Variants in GPATCH2 observed in about 807,000 individuals in gnomAD.
GPATCH2 encodes the protein G-patch domain containing 2, also known as G patch domain-containing protein 2.
GPATCH2 carries 51 observed loss-of-function variants against 58.0 expected under a neutral mutation model. That is an observed-to-expected ratio of 0.88 (90% confidence interval 0.70 to 1.11). The LOEUF (loss-of-function observed/expected upper bound fraction) is 1.11. GPATCH2 is among the 50% of genes most tolerant of loss of function. The probability of loss-of-function intolerance (pLI) is 0.00; values close to 1 mark genes in which losing one functional copy is unlikely to be tolerated. For missense variants in GPATCH2, 625 were observed against 652.2 expected (o/e 0.96, Z 0.45); for synonymous variants, 222 against 218.5 (o/e 1.02, Z -0.14).
intron 5 of GPATCH2, among the ~76,000 whole-genome samples, chr1:217,527,129 AT>A (rs1405312498): frequency 7.2e-5 from 11 of 151,950 alleles, no homozygotes; most frequent in Non-Finnish European, 1.5e-4. Flanking sequence ...TAATGATATA[AT>A]TATTTCATTA....
At chr1:217,464,481 G>A (rs1660350592) in intron 8 of GPATCH2, among the ~76,000 whole-genome samples, 1 of 152,202 alleles carries the variant, frequency 6.6e-6, no homozygotes, top group African/African-American at 2.4e-5. Flanking sequence ...AAAGATACCA[G>A]TTTATAAATG....
chr1:217,623,036 C>T (rs1458155207), intron 1 of GPATCH2, among the ~76,000 whole-genome samples: 3 of 152,126 alleles, frequency 2.0e-5, no homozygotes, highest in Admixed American at 6.5e-5. Context: ...TTTCCTGTGA[C>T]ATTATTTAAT....
chr1:217,619,455 ATATAAT>A (rs1357866732), intron 2 of GPATCH2, among the ~76,000 whole-genome samples: 1 of 152,198 alleles, frequency 6.6e-6, no homozygotes, highest in African/African-American at 2.4e-5. Context: ...ATAATTAAAC[ATATAAT>A]TATATATCCA....
chr1:217,512,690 A>G (rs1057424810), intron 6 of GPATCH2, among the ~76,000 whole-genome samples: 11 of 152,204 alleles, frequency 7.2e-5, no homozygotes, highest in Non-Finnish European at 1.5e-5. Flanking sequence ...AACAGAAACC[A>G]CTATATTTTT....
chr1:217,549,933 T>C (rs560362521), intron 5 of GPATCH2, among the ~76,000 whole-genome samples: 3 of 152,314 alleles, frequency 2.0e-5, no homozygotes, highest in Non-Finnish European at 2.9e-5. Flanking sequence ...CTTTAAATTA[T>C]ATACAAACAA....
rs1189857333 is a variant in GPATCH2, at chr1:217,428,071, G to T, written c.*3074C>A. 2 of 152,162 alleles carry T rather than the reference G, an allele frequency of 1.3e-5. No individual in the cohort carries two copies. Among genetic ancestry groups the T allele is most frequent in the Admixed American group, 6.5e-5 (1 of 15,286 alleles). 9.4% of individuals were successfully genotyped at this position (152,162 alleles called of 1,614,324 possible). On this transcript the variant is annotated 3_prime_UTR_variant, in exon 10 of 10. Coordinates refer to ENST00000366935, the MANE Select transcript of GPATCH2 (RefSeq NM_018040.5). ...AAAATAAAAGTAACCAAATTAAATA[G>T]TGTATTCGGGGAGCAGAAAAGAAGG...
chr1:217,630,042 G>T (rs921114383), intron 1 of GPATCH2, among the ~76,000 whole-genome samples: 1 of 152,116 alleles, frequency 6.6e-6, no homozygotes, highest in Non-Finnish European at 1.5e-5. Context: ...TTATGTTTGA[G>T]GATTTTCAAT....
In GPATCH2 at chr1:217,547,130, G is replaced by A. The variant is rs898005254; in HGVS notation, c.1099-32241C>T. 2.6e-5 allele frequency among the ~76,000 whole-genome samples: 4 copies of A among 152,094 alleles called. 1 individual carries two copies. Among genetic ancestry groups the A allele is most frequent in the African/African-American group, 9.7e-5 (4 of 41,436 alleles). On this transcript the variant is annotated intron_variant, in intron 5 of 9. Coordinates refer to ENST00000366935, the MANE Select transcript of GPATCH2 (RefSeq NM_018040.5). ...TGTAATTCCAGCACTTAGGGAGGCC[G>A]AGGCAGGCAGATCACGAGGTCAGGA...
Position 217,428,085 on chromosome 1 carries a change from C to T in GPATCH2, c.*3060G>A, listed in dbSNP as rs1175434923. ...CAAATTAAATAGTGTATTCGGGGAG[C>T]AGAAAAGAAGGAAACAAATGACTCC... is the stretch of plus-strand genomic sequence containing the variant. On this transcript the variant is annotated 3_prime_UTR_variant, in exon 10 of 10. Coordinates refer to ENST00000366935, the MANE Select transcript of GPATCH2 (RefSeq NM_018040.5). 6.6e-6 allele frequency: 1 copy of T among 152,056 alleles called. No homozygotes were observed. Among genetic ancestry groups the T allele is most frequent in the African/African-American group, 2.4e-5 (1 of 41,414 alleles). The allele number at this position is 152,056 out of a possible 1,614,324, so 9.4% of individuals were successfully genotyped here.
intron 5 of GPATCH2, among the ~76,000 whole-genome samples, chr1:217,572,261 C>T (rs1182100441): frequency 2.6e-5 from 4 of 152,060 alleles, no homozygotes; most frequent in Non-Finnish European, 5.9e-5. Flanking sequence ...GGGAATCTAA[C>T]TTATTCTGTG....
At chr1:217,431,499 A>G (rs1479656008) in intron 9 of GPATCH2, 134 bp from the exon 10 acceptor site, 5 of 625,392 alleles carry the variant, frequency 8.0e-6, no homozygotes, top group African/African-American at 1.8e-5. Context: ...TTGCGTATTC[A>G]TCTTTGGATA....
chr1:217,626,948 A>T (rs865961236), intron 1 of GPATCH2, among the ~76,000 whole-genome samples: 2 of 152,162 alleles, frequency 1.3e-5, no homozygotes, highest in Middle Eastern at 3.4e-3. Flanking sequence ...ACTTTACATT[A>T]ATATTAGGCA....
intron 5 of GPATCH2, among the ~76,000 whole-genome samples, chr1:217,572,876 T>A (rs934866143): frequency 3.3e-5 from 5 of 152,174 alleles, no homozygotes; most frequent in Non-Finnish European, 7.3e-5. Context: ...GGAGGGTTAA[T>A]AGTGAAAATA....
chr1:217,630,893 C>A (rs1387348534), intron 1 of GPATCH2, 23 bp downstream of exon 1: 2 of 1,571,368 alleles, frequency 1.3e-6, no homozygotes, highest in Non-Finnish European at 1.7e-6. Context: ...TGACCTCCCC[C>A]TCCCCAGGGC....
In GPATCH2 at chr1:217,588,988, T is replaced by C. The variant is rs760728143; in HGVS notation, c.1098+21333A>G. On this transcript the variant is annotated intron_variant, in intron 5 of 9. Transcript: ENST00000366935. ...CAAACAACTTTAAAAGGACATTTTT[T>C]AGGACATTTTCATCGAAGGAAGCAA... 1.8e-4 allele frequency among the ~76,000 whole-genome samples: 27 copies of C among 152,168 alleles called. 1 individual carries two copies. The highest frequency in any genetic ancestry group is 3.7e-4 in the Non-Finnish European group (25 of 68,024).
intron 8 of GPATCH2, among the ~76,000 whole-genome samples, chr1:217,474,921 G>C (rs185929051): frequency 6.0e-4 from 91 of 152,248 alleles, no homozygotes; most frequent in African/African-American, 2.1e-3. Context: ...GATTGAATGA[G>C]AGTAACATAG....
At chr1:217,485,457 A>G (rs1418698019) in intron 8 of GPATCH2, among the ~76,000 whole-genome samples, 3 of 141,618 alleles carry the variant, frequency 2.1e-5, no homozygotes, top group African/African-American at 8.8e-5. Flanking sequence ...TGGGTTGAAT[A>G]TCTTTTTTTT....
At chr1:217,570,944 G>A (rs1429428395) in intron 5 of GPATCH2, among the ~76,000 whole-genome samples, 1 of 152,178 alleles carries the variant, frequency 6.6e-6, no homozygotes, top group African/African-American at 2.4e-5. Flanking sequence ...AAACAATAGA[G>A]ATTTAAGCAA....
chr1:217,449,169 T>A, intron 9 of GPATCH2, 80 bp downstream of exon 9: 2 of 798,046 alleles, frequency 2.5e-6, no homozygotes, highest in Admixed American at 4.0e-5. Flanking sequence ...TTGCAAGTGA[T>A]TAAGAAGTAT....
Sources: gnomAD v4.1 joint callset for allele counts (sites outside exome capture counted in the v4.1 genomes callset) on GRCh38, gnomAD v4.1.1 for gene constraint, MANE v1.5 for transcripts, NCBI Gene and HGNC (gene_info 2026-07-23, HGNC 2026-07-21) for gene names.